Variants in CUBN observed in about 807,000 individuals in gnomAD.
CUBN encodes cubilin.
Under a neutral mutation model 405.3 loss-of-function variants are expected in CUBN, and 282 were observed. The observed-to-expected ratio is 0.70, with a 90% CI of 0.63 to 0.77. The LOEUF (loss-of-function observed/expected upper bound fraction) is 0.77. CUBN is among the 30% of genes least tolerant of loss of function. CUBN has a pLI of 0.00. For synonymous variants in CUBN, 1,684 were observed against 1,617.0 expected, an observed-to-expected ratio of 1.04 and a Z score of -0.99; for missense variants, 4,514 against 4,475.2, an observed-to-expected ratio of 1.01 and a Z score of -0.25.
chr10:16,851,702 A>T (rs1442466757), intron 59 of CUBN, among the ~76,000 whole-genome samples: 3 of 76,552 alleles, frequency 3.9e-5, no homozygotes, highest in Admixed American at 1.7e-4. Flanking sequence ...CCCTCCCTCT[A>T]TCTTTCCTTC....
intron 31 of CUBN, among the ~76,000 whole-genome samples, chr10:16,975,749 G>A (rs1378206483): frequency 6.7e-6 from 1 of 148,440 alleles, no homozygotes; most frequent in Admixed American, 7.0e-5. Flanking sequence ...TCATGCCTCA[G>A]CCTCCCAAGT....
intron 13 of CUBN, among the ~76,000 whole-genome samples, chr10:17,101,226 C>A (rs1476539488): frequency 6.6e-6 from 1 of 151,912 alleles, no homozygotes; most frequent in Non-Finnish European, 1.5e-5. Flanking sequence ...TATTTTCTAC[C>A]ATATTATGTC....
intron 66 of CUBN, among the ~76,000 whole-genome samples, chr10:16,825,452 A>G (rs926776716): frequency 2.0e-5 from 3 of 152,230 alleles, no homozygotes; most frequent in African/African-American, 7.2e-5. Flanking sequence ...ATTGTATCTC[A>G]ATAAAACTGT....
chr10:17,054,933 TCTAA>T (rs1835357415), intron 22 of CUBN, among the ~76,000 whole-genome samples: 1 of 152,080 alleles, frequency 6.6e-6, no homozygotes, highest in African/African-American at 2.4e-5. Context: ...GAAGATATTT[TCTAA>T]CTAACAAGAC....
intron 54 of CUBN, among the ~76,000 whole-genome samples, chr10:16,891,310 CA>C (rs1213723040): frequency 1.3e-5 from 2 of 152,076 alleles, no homozygotes; most frequent in African/African-American, 4.8e-5. Context: ...TGCAAAATTC[CA>C]GCTATAAACA....
At chr10:16,920,565 A>G (rs1022670333) in intron 43 of CUBN, among the ~76,000 whole-genome samples, 2 of 152,166 alleles carry the variant, frequency 1.3e-5, no homozygotes, top group Non-Finnish European at 2.9e-5. Flanking sequence ...AAGCAGATAT[A>G]TCTTTGCACA....
chr10:17,013,831 C>A (rs1834253864), intron 28 of CUBN, among the ~76,000 whole-genome samples: 1 of 152,314 alleles, frequency 6.6e-6, no homozygotes, highest in South Asian at 2.1e-4. Flanking sequence ...CACAACCTGC[C>A]TTTTGTATCC....
At chr10:17,087,687 G>C (rs1473553299) in intron 15 of CUBN, among the ~76,000 whole-genome samples, 1 of 151,806 alleles carries the variant, frequency 6.6e-6, no homozygotes, top group African/African-American at 2.4e-5. Flanking sequence ...TGTTGGCCAG[G>C]CTGTCTCCAA....
chr10:16,828,011 A>C (rs1838842006), intron 66 of CUBN, among the ~76,000 whole-genome samples: 1 of 152,246 alleles, frequency 6.6e-6, no homozygotes, highest in Non-Finnish European at 1.5e-5. Context: ...TTACAAAAAC[A>C]AACTATCGGT....
intron 56 of CUBN, among the ~76,000 whole-genome samples, chr10:16,886,602 C>G (rs1254144762): frequency 6.6e-6 from 1 of 152,112 alleles, no homozygotes; most frequent in Non-Finnish European, 1.5e-5. Flanking sequence ...AAGCCCAGCC[C>G]AAATCGGCAT....
chr10:16,928,347 A>G (rs180696975), intron 40 of CUBN, 44 bp from the exon 41 acceptor site: 1 of 1,604,298 alleles, frequency 6.2e-7, no homozygotes, highest in East Asian at 2.2e-5. Context: ...CATCTTGAGA[A>G]TCTACTCTAC....
At chr10:17,030,141 G>T (rs1834758300) in intron 27 of CUBN, among the ~76,000 whole-genome samples, 1 of 152,180 alleles carries the variant, frequency 6.6e-6, no homozygotes, top group Non-Finnish European at 1.5e-5. Context: ...ACTGTCTAAT[G>T]CAGGAAACCA....
intron 31 of CUBN, chr10:16,965,917 A>C: frequency 2.1e-6 from 1 of 468,918 alleles, no homozygotes; most frequent in Non-Finnish European, 4.4e-6. Flanking sequence ...TCACACGCTT[A>C]GCAGTGCAGA....
chr10:17,007,222 GA>G (rs1427234248), intron 28 of CUBN, among the ~76,000 whole-genome samples: 1 of 130,480 alleles, frequency 7.7e-6, no homozygotes, highest in Non-Finnish European at 1.6e-5. Flanking sequence ...CTCCAAGGCT[GA>G]ATTCAGCCGC....
chr10:17,123,411 TTA>T (rs1267362118), intron 5 of CUBN, 175 bp downstream of exon 5: 5 of 661,596 alleles, frequency 7.6e-6, no homozygotes, highest in Non-Finnish European at 1.4e-5. Flanking sequence ...ATTTGGTGGG[TTA>T]TACAATCATA....
intron 65 of CUBN, 26 bp downstream of exon 65, chr10:16,831,226 T>G: frequency 6.2e-7 from 1 of 1,611,292 alleles, no homozygotes. Flanking sequence ...CACAGTGCTT[T>G]CCTGTACAAA....
chr10:16,916,860 C>A (rs1841899279), intron 45 of CUBN, among the ~76,000 whole-genome samples: 1 of 149,318 alleles, frequency 6.7e-6, no homozygotes, highest in African/African-American at 2.5e-5. Context: ...TGTCACCCAG[C>A]CTAGAGTGCA....
chr10:16,858,428 C>T (rs929262322), intron 59 of CUBN, among the ~76,000 whole-genome samples: 1 of 152,136 alleles, frequency 6.6e-6, no homozygotes, highest in African/African-American at 2.4e-5. Flanking sequence ...TCAAGGGATC[C>T]TCCTACCTCA....
At chr10:17,119,761 G>C (rs754584428) in intron 6 of CUBN, among the ~76,000 whole-genome samples, 37 of 152,226 alleles carry the variant, frequency 2.4e-4, no homozygotes, top group Admixed American at 2.0e-3. Context: ...AAATGTAATT[G>C]TGTTAGTTGT....
Sources: gnomAD v4.1 joint callset for allele counts (sites outside exome capture counted in the v4.1 genomes callset) on GRCh38, gnomAD v4.1.1 for gene constraint, MANE v1.5 for transcripts, NCBI Gene and HGNC (gene_info 2026-07-23, HGNC 2026-07-21) for gene names.